The following GABRR2 variants were observed in gnomAD, a reference collection of about 807,000 sequenced individuals.
GABRR2 encodes gamma-aminobutyric acid receptor subunit rho-2.
In GABRR2, 36 loss-of-function variants were observed where a neutral mutation model predicts 47.0. That is an observed-to-expected ratio of 0.77 (90% CI 0.59 to 1.01). The LOEUF is 1.01. Ranked by LOEUF, GABRR2 falls within the 50% of genes least tolerant of loss-of-function variation. The pLI is 0.00. For missense variants in GABRR2, 587 were observed against 594.6 expected (o/e 0.99, Z 0.13); for synonymous variants, 204 against 227.5 (o/e 0.90, Z 0.93).
At chr6:89,267,257 C>A (rs1474985510) in intron 6 of GABRR2, among the ~76,000 whole-genome samples, 1 of 152,048 alleles carries the variant, frequency 6.6e-6, no homozygotes, top group Non-Finnish European at 1.5e-5. Flanking sequence ...CTATTCTAGG[C>A]TACATTATTT....
chr6:89,290,350 T>A (rs1364597108), intron 2 of GABRR2, among the ~76,000 whole-genome samples: 2 of 152,218 alleles, frequency 1.3e-5, no homozygotes, highest in Non-Finnish European at 2.9e-5. Context: ...GTGGTCACCC[T>A]GCCCACATAT....
At chr6:89,272,497 G>A (rs1046928991) in intron 2 of GABRR2, among the ~76,000 whole-genome samples, 8 of 152,270 alleles carry the variant, frequency 5.3e-5, no homozygotes, top group African/African-American at 1.9e-4. Flanking sequence ...CACTTTTCTG[G>A]GTGTATGTTA....
rs1485818069 is a variant in GABRR2 at position 89,315,080 on chromosome 6, G to A, written c.86C>T (p.Thr29Ile). 3.7e-6 allele frequency: 6 copies of A among 1,613,662 alleles called. No individual in the cohort carries two copies. Among genetic ancestry groups the A allele is most frequent in the Non-Finnish European group, 5.1e-6 (6 of 1,179,798 alleles). Residue 29 changes from threonine (T) to isoleucine (I), a missense_variant, in exon 1 of 9, where the codon ACA becomes ATA. By Grantham distance (89) the Thr-to-Ile change is moderately conservative. Transcript: ENST00000402938. ...TGGCTTGGGCATTTCCACCTGCCCT[G>A]TCCATCGCTTCCTCTTGGGTTTTCT... ...ESRKPKRKRWTGQVEMPKPSH... is the reference protein window; with the variant it reads ...ESRKPKRKRWIGQVEMPKPSH...
At chr6:89,301,845 G>C in intron 1 of GABRR2, 1 of 1,128,472 alleles carries the variant, frequency 8.9e-7, no homozygotes, top group South Asian at 1.2e-5. Context: ...CCAAGTTCTG[G>C]GAAGTCATCA....
At chr6:89,269,706 G>A (rs114762358) in intron 3 of GABRR2, among the ~76,000 whole-genome samples, 1,696 of 152,314 alleles carry the variant, frequency 0.011, 33 homozygotes, top group African/African-American at 0.037. Context: ...ATTGTGTCTT[G>A]CCCACCATTG....
intron 2 of GABRR2, among the ~76,000 whole-genome samples, chr6:89,288,248 A>G (rs1774365094): frequency 6.6e-6 from 1 of 151,944 alleles, no homozygotes; most frequent in African/African-American, 2.4e-5. Flanking sequence ...CAATGGGGAA[A>G]AGCATCTGGG....
At chr6:89,273,368 A>G (rs1042408990) in intron 2 of GABRR2, among the ~76,000 whole-genome samples, 2 of 152,096 alleles carry the variant, frequency 1.3e-5, no homozygotes, top group Non-Finnish European at 2.9e-5. Context: ...GAGTGGCTGG[A>G]ATTACAGGCG....
intron 8 of GABRR2, among the ~76,000 whole-genome samples, chr6:89,261,591 G>A (rs1773747101): frequency 6.6e-6 from 1 of 152,190 alleles, no homozygotes; most frequent in Non-Finnish European, 1.5e-5. Context: ...ATGGCCATAA[G>A]ATACCAAATT....
In GABRR2 at chr6:89,269,083, A is replaced by G; in HGVS notation, c.440T>C (p.Phe147Ser). The change falls in exon 4 of 9, where the codon TTC (phenylalanine) becomes TCC (serine). Residue 147 changes from phenylalanine to serine, a missense_variant. Physicochemically the swap from Phe to Ser is radical, Grantham distance 155 (BLOSUM62 -2). Coordinates refer to ENST00000402938, the MANE Select transcript of GABRR2 (RefSeq NM_002043.5). ...GTTGTCAGTGGTGGTGTCATGAGTG[A>G]ACGATCTTTTGGAGTGAACAAAGAA... ...DVFFVHSKRS[F>S]THDTTTDNIM... 6.2e-7 allele frequency: 1 copy of G among 1,614,046 alleles called. No individual in the cohort carries two copies. Among genetic ancestry groups the G allele is most frequent in the Non-Finnish European group, 8.5e-7 (1 of 1,179,896 alleles).
In GABRR2 at chr6:89,302,632, C is replaced by G; in HGVS notation, c.114-2767G>C. The G allele has an allele frequency of 2.4e-6, 3 of 1,264,972 alleles. No homozygotes were observed. The South Asian group carries it at 3.5e-5, about 15-fold the overall frequency. 78.4% of individuals were successfully genotyped at this position (1,264,972 alleles called of 1,614,324 possible). On this transcript the variant is annotated intron_variant, in intron 1 of 8. Transcript: ENST00000402938. The stretch of plus-strand genomic sequence containing the variant: ...CGGGCCCTGACCGTGCCCGAGCTCA[C>G]CCCTCAGATGTTTGATGCCAAGAAC...
Position 89,271,722 on chromosome 6 carries a change from CCT to C in GABRR2, c.221-2_221-1del. ...GTCCACGCCCACCGGGATGGCAGGG[CCT>C]GCAGAAGAGCAGAGACAGCTGGTTA... On this transcript the variant is annotated splice_acceptor_variant, in intron 2 of 8. Transcript: ENST00000402938. LOFTEE classifies it high-confidence loss of function. The C allele has an allele frequency of 6.2e-7, 1 of 1,611,484 alleles. No individual in the cohort carries two copies. Among genetic ancestry groups the C allele is most frequent in the African/African-American group, 1.3e-5 (1 of 74,992 alleles).
At chr6:89,273,408 A>AT (rs994934412) in intron 2 of GABRR2, among the ~76,000 whole-genome samples, 10 of 151,994 alleles carry the variant, frequency 6.6e-5, no homozygotes, top group African/African-American at 2.4e-4. Context: ...AATTTTTTGT[A>AT]TTTTTAGTAG....
intron 1 of GABRR2, chr6:89,302,635 C>T: frequency 7.9e-7 from 1 of 1,270,666 alleles, no homozygotes; most frequent in South Asian, 1.2e-5. Flanking sequence ...GAGCTCACCC[C>T]TCAGATGTTT....
intron 2 of GABRR2, among the ~76,000 whole-genome samples, chr6:89,276,906 G>A (rs1270577703): frequency 6.6e-6 from 1 of 152,064 alleles, no homozygotes; most frequent in African/African-American, 2.4e-5. Context: ...TAAGTACATA[G>A]AAATAGGTCT....
At chr6:89,264,340 C>G in intron 8 of GABRR2, 72 bp downstream of exon 8, 4 of 1,492,370 alleles carry the variant, frequency 2.7e-6, no homozygotes. Flanking sequence ...CTGCCTCTGC[C>G]CCCTGGCCCA....
At chr6:89,305,622 T>TCACACA (rs113461901) in intron 1 of GABRR2, among the ~76,000 whole-genome samples, 102 of 151,224 alleles carry the variant, frequency 6.7e-4, no homozygotes, top group African/African-American at 2.4e-3. Flanking sequence ...AGACCCTGTC[T>TCACACA]CACACACACA....
At chr6:89,279,504 C>T (rs1774221277) in intron 2 of GABRR2, among the ~76,000 whole-genome samples, 1 of 151,552 alleles carries the variant, frequency 6.6e-6, no homozygotes, top group South Asian at 2.1e-4. Context: ...ATTCAAAAAA[C>T]TTTTTTTTGG....
At position 89,271,737 on chromosome 6, in the gene GABRR2, AGACAGCT is replaced by A. The variant is rs1202184354; in HGVS notation, c.221-22_221-16del. The A allele has an allele frequency of 2.5e-6, 4 of 1,608,796 alleles. No homozygotes were observed. The highest frequency in any genetic ancestry group is 1.6e-4 in the Middle Eastern group (1 of 6,072). On this transcript the variant is annotated splice_polypyrimidine_tract_variant and intron_variant, in intron 2 of 8. Coordinates refer to ENST00000402938, the MANE Select transcript of GABRR2 (RefSeq NM_002043.5). ...GATGGCAGGGCCTGCAGAAGAGCAG[AGACAGCT>A]GGTTAAGGCACCTTCCTCTCTACCT...
At chr6:89,286,591 C>T (rs1427114616) in intron 2 of GABRR2, among the ~76,000 whole-genome samples, 1 of 151,874 alleles carries the variant, frequency 6.6e-6, no homozygotes, top group Non-Finnish European at 1.5e-5. Flanking sequence ...AAAACTATGA[C>T]AGACCTGTCT....
Sources: allele counts gnomAD v4.1 joint callset (sites outside exome capture counted in the v4.1 genomes callset), GRCh38; gene constraint gnomAD v4.1.1; transcripts MANE v1.5; gene names NCBI Gene and HGNC (gene_info 2026-07-23, HGNC 2026-07-21).